Variants in IL1RAPL1 observed in about 807,000 individuals in gnomAD.
The protein encoded by IL1RAPL1 is interleukin 1 receptor accessory protein like 1, also known as interleukin-1 receptor accessory protein-like 1.
Under a neutral mutation model 48.4 loss-of-function variants are expected in IL1RAPL1, and 3 were observed. The observed-to-expected ratio is 0.06, with a 90% CI of 0.03 to 0.16. The LOEUF is 0.16. Among genes scored for constraint, IL1RAPL1 ranks in the 10% least tolerant of loss-of-function variants. IL1RAPL1 has a pLI of 1.00. For missense variants in IL1RAPL1, 349 were observed against 530.6 expected (o/e 0.66, Z 3.36); for synonymous variants, 185 against 187.7 (o/e 0.99, Z 0.12).
intron 2 of IL1RAPL1, among the ~76,000 whole-genome samples, chrX:29,191,130 A>G (rs768652407): frequency 1.8e-5 from 2 of 111,923 alleles, no homozygotes; most frequent in South Asian, 7.4e-4. Flanking sequence ...ATATAGGTAT[A>G]TGTATATATT....
chrX:28,663,128 C>A (rs1159872096), intron 1 of IL1RAPL1, among the ~76,000 whole-genome samples: 2 of 112,030 alleles, frequency 1.8e-5, no homozygotes, highest in African/African-American at 6.5e-5. Flanking sequence ...TTGAAAGGGA[C>A]CAAGCAGAGA....
chrX:29,336,269 C>CATATATATATATATATATATAT lies in IL1RAPL1; in HGVS notation c.362+53053_362+53074dup, dbSNP rs57126796. ...CCTTTAATATATTACATATATATGCCATATATATATATATATATATATGCA... is the reference window on the plus strand; with the variant it reads ...CCTTTAATATATTACATATATATGCCATATATATATATATATATATATATATATATATATATATATATATGCA... On this transcript the variant is annotated intron_variant, in intron 3 of 10. Transcript: ENST00000378993. Among the ~76,000 whole-genome samples, 72 of 57,449 alleles carry CATATATATATATATATATATAT rather than the reference C, an allele frequency of 1.3e-3. 3 individuals are homozygous for CATATATATATATATATATATAT. Among genetic ancestry groups the CATATATATATATATATATATAT allele is most frequent in the African/African-American group, 3.7e-3 (60 of 16,113 alleles). The allele number at this position is 57,449 out of a possible 115,157, so 49.9% of individuals were successfully genotyped here.
At chrX:29,775,157 C>T (rs1280532985) in intron 6 of IL1RAPL1, among the ~76,000 whole-genome samples, 1 of 111,346 alleles carries the variant, frequency 9.0e-6, no homozygotes, top group Admixed American at 9.6e-5. Flanking sequence ...TTGAGAGAGT[C>T]GTTATATCCG....
intron 3 of IL1RAPL1, among the ~76,000 whole-genome samples, chrX:29,335,272 A>AGGGGAGAGGGGAGAGGGGAGAGGGGAGAG (rs1932973233): frequency 4.4e-5 from 1 of 22,806 alleles, no homozygotes; most frequent in African/African-American, 2.0e-4. Flanking sequence ...GGAGACGGAG[A>AGGGGAGAGGGGAGAGGGGAGAGGGGAGAG]CGGAGAGGGG....
At chrX:28,774,419 G>A (rs1281908325) in intron 1 of IL1RAPL1, among the ~76,000 whole-genome samples, 2 of 111,469 alleles carry the variant, frequency 1.8e-5, no homozygotes, top group African/African-American at 3.3e-5. Context: ...TGCAGTCAAT[G>A]TATTGGATGG....
intron 1 of IL1RAPL1, among the ~76,000 whole-genome samples, chrX:28,698,433 G>T (rs1436279418): frequency 9.1e-6 from 1 of 110,199 alleles, no homozygotes. Context: ...TTTTAAAATT[G>T]CCATTCTTAA....
chrX:29,186,120 TGAA>T (rs764399739), intron 2 of IL1RAPL1, among the ~76,000 whole-genome samples: 1 of 112,241 alleles, frequency 8.9e-6, no homozygotes, highest in Admixed American at 9.5e-5. Flanking sequence ...TGTTGATGTG[TGAA>T]GGTTTTTTTA....
At chrX:28,659,464 A>G (rs1934790243) in intron 1 of IL1RAPL1, 2 of 513,406 alleles carry the variant, frequency 3.9e-6, no homozygotes, top group Non-Finnish European at 7.1e-6. Context: ...GCTTTGTAGG[A>G]GCCATGATAT....
At chrX:29,158,190 AC>A (rs1440735727) in intron 2 of IL1RAPL1, among the ~76,000 whole-genome samples, 5 of 111,483 alleles carry the variant, frequency 4.5e-5, no homozygotes, top group African/African-American at 1.6e-4. Context: ...CTAGGGTATA[AC>A]CGTTGCAAAC....
intron 5 of IL1RAPL1, among the ~76,000 whole-genome samples, chrX:29,613,412 C>T (rs1437673181): frequency 3.6e-5 from 4 of 110,882 alleles, no homozygotes; most frequent in Non-Finnish European, 7.6e-5. Flanking sequence ...TGCTCTTCCT[C>T]CGAGAGCTTC....
intron 2 of IL1RAPL1, among the ~76,000 whole-genome samples, chrX:29,213,253 C>T (rs1930805145): frequency 8.9e-6 from 1 of 112,234 alleles, no homozygotes. Flanking sequence ...CCGCCTCAGC[C>T]TCCCAAAGTG....
intron 5 of IL1RAPL1, among the ~76,000 whole-genome samples, chrX:29,562,124 A>G (rs5972403): frequency 0.016 from 758 of 46,719 alleles, 18 homozygotes; most frequent in African/African-American, 0.066. Flanking sequence ...TAATCTATCT[A>G]TCTATCTATC....
At chrX:29,463,249 A>G (rs1056529089) in intron 5 of IL1RAPL1, among the ~76,000 whole-genome samples, 28 of 111,728 alleles carry the variant, frequency 2.5e-4, no homozygotes, top group African/African-American at 8.8e-4. Context: ...AATAGCCTTC[A>G]TAGTATGTAA....
In IL1RAPL1 at chrX:28,832,750, TA is replaced by T. The variant is rs1303913139; in HGVS notation, c.82+43329del. 6.2e-3 allele frequency among the ~76,000 whole-genome samples: 673 copies of T among 109,295 alleles called. 8 individuals carry two copies. Among genetic ancestry groups the T allele is most frequent in the African/African-American group, 0.022 (647 of 30,034 alleles). 94.9% of individuals were successfully genotyped at this position (109,295 alleles called of 115,157 possible). A position where few individuals can be genotyped will look rare whatever the true frequency, so the allele number is the denominator to read the frequency against. ...TGGGTTGGTCAAGGTTTTTTTTTTT[TA>T]AAACCTTAGTAGTTTATTTTTGTAT... On this transcript the variant is annotated intron_variant, in intron 2 of 10. Coordinates refer to ENST00000378993, the MANE Select transcript of IL1RAPL1 (RefSeq NM_014271.4).
chrX:29,955,581 C>T lies in IL1RAPL1; in HGVS notation c.1852C>T (p.Gln618Ter). Residue 618 changes from glutamine (Q) to a stop codon, truncating the protein, a stop_gained, in exon 11 of 11, where the codon CAA becomes TAA. Transcript: ENST00000378993. LOFTEE classifies it high-confidence loss of function. ...RSTFHNTYHS[Q>*]MRQKHYYRSY... ...TACCTTTCACAACACGTACCATTCA[C>T]AAATGCGTCAGAAACACTACTACCG... 8.3e-7 allele frequency: 1 copy of T among 1,205,561 alleles called. No individual in the cohort carries two copies. The highest frequency in any genetic ancestry group is 1.1e-6 in the Non-Finnish European group (1 of 891,628).
At chrX:29,086,123 T>C (rs1927946732) in intron 2 of IL1RAPL1, among the ~76,000 whole-genome samples, 1 of 112,130 alleles carries the variant, frequency 8.9e-6, no homozygotes, top group Non-Finnish European at 1.9e-5. Context: ...GCTTAGTGGG[T>C]TGATTTCAGT....
chrX:29,120,189 A>C (rs1928754225), intron 2 of IL1RAPL1, among the ~76,000 whole-genome samples: 1 of 112,202 alleles, frequency 8.9e-6, no homozygotes, highest in African/African-American at 3.2e-5. Flanking sequence ...CTTGCTTTTC[A>C]GGACTTTGTC....
chrX:29,105,200 T>C (rs771710393), intron 2 of IL1RAPL1, among the ~76,000 whole-genome samples: 16 of 111,853 alleles, frequency 1.4e-4, no homozygotes, highest in African/African-American at 2.3e-4. Flanking sequence ...ATATCTACTA[T>C]AGTACTCATT....
intron 2 of IL1RAPL1, among the ~76,000 whole-genome samples, chrX:28,879,020 T>C (rs592873): frequency 0.42 from 47,020 of 110,855 alleles, 7,250 homozygotes; most frequent in Middle Eastern, 0.59. Context: ...TAGTCATTTA[T>C]ACTATGACAT....
Sources: allele counts gnomAD v4.1 joint callset (sites outside exome capture counted in the v4.1 genomes callset), GRCh38; gene constraint gnomAD v4.1.1; transcripts MANE v1.5; gene names NCBI Gene and HGNC (gene_info 2026-07-23, HGNC 2026-07-21).